The following PTPRD variants were observed in gnomAD, a reference collection of about 807,000 sequenced individuals.
PTPRD encodes receptor-type tyrosine-protein phosphatase delta.
Under a neutral mutation model 214.5 loss-of-function variants are expected in PTPRD, and 34 were observed. That is an observed-to-expected ratio of 0.16 (90% CI 0.12 to 0.21). The LOEUF (loss-of-function observed/expected upper bound fraction) is 0.21, where lower values mean the gene tolerates loss of function less well. Ranked by LOEUF, PTPRD falls within the 10% of genes least tolerant of loss-of-function variation. PTPRD has a pLI of 1.00. For missense variants in PTPRD, 2,545 were observed against 2,398.7 expected, an observed-to-expected ratio of 1.06 and a Z score of -1.27; for synonymous variants, 1,128 against 845.7, an observed-to-expected ratio of 1.33 and a Z score of -5.79.
intron 5 of PTPRD, among the ~76,000 whole-genome samples, chr9:9,928,231 T>C (rs921314622): frequency 6.6e-6 from 1 of 152,174 alleles, no homozygotes; most frequent in African/African-American, 2.4e-5. Flanking sequence ...GTTATTAATA[T>C]TACATGGTTA....
chr9:9,995,886 C>G (rs915849565), intron 4 of PTPRD, among the ~76,000 whole-genome samples: 1 of 152,134 alleles, frequency 6.6e-6, no homozygotes, highest in Non-Finnish European at 1.5e-5. Flanking sequence ...AATTTACATT[C>G]CACTTGAACA....
At position 8,974,814 on chromosome 9, in the gene PTPRD, G is replaced by C. The variant is rs114724225; in HGVS notation, c.-104+43883C>G. The stretch of plus-strand genomic sequence containing the variant: ...ACCCTATGCACCAAGAAAGATATTT[G>C]GGCCAGGTGTGGTGGCTCACACCTT... On this transcript the variant is annotated intron_variant, in intron 11 of 45. Transcript: ENST00000381196. Among the ~76,000 whole-genome samples, 226 of 151,916 alleles carry C rather than the reference G, an allele frequency of 1.5e-3. 1 individual carries two copies. Among genetic ancestry groups the C allele is most frequent in the African/African-American group, 5.3e-3 (221 of 41,440 alleles).
chr9:10,482,158 T>G (rs978962085), intron 2 of PTPRD, among the ~76,000 whole-genome samples: 4 of 151,628 alleles, frequency 2.6e-5, no homozygotes, highest in Non-Finnish European at 5.9e-5. Flanking sequence ...AATCACGAGG[T>G]CAGGAGATTG....
At chr9:9,694,173 T>C (rs1470574407) in intron 7 of PTPRD, among the ~76,000 whole-genome samples, 2 of 152,154 alleles carry the variant, frequency 1.3e-5, no homozygotes, top group African/African-American at 4.8e-5. Flanking sequence ...TGTTTGTGCC[T>C]GGGCATTGAA....
At chr9:10,111,426 G>A (rs2098691111) in intron 3 of PTPRD, among the ~76,000 whole-genome samples, 1 of 151,088 alleles carries the variant, frequency 6.6e-6, no homozygotes, top group African/African-American at 2.4e-5. Flanking sequence ...TTTTAGTAGA[G>A]ACGGGGTTTC....
At chr9:8,545,895 C>A (rs1412290073) in intron 14 of PTPRD, among the ~76,000 whole-genome samples, 6 of 152,052 alleles carry the variant, frequency 3.9e-5, no homozygotes, top group Non-Finnish European at 7.4e-5. Context: ...AGAAGAAATC[C>A]AACAAACTTT....
intron 7 of PTPRD, among the ~76,000 whole-genome samples, chr9:9,613,749 C>A (rs2094681303): frequency 6.6e-6 from 1 of 152,142 alleles, no homozygotes; most frequent in African/African-American, 2.4e-5. Flanking sequence ...TCAGGCCCAC[C>A]CCCTAGTCTA....
chr9:8,784,603 C>A (rs934885057), intron 11 of PTPRD, among the ~76,000 whole-genome samples: 2 of 151,930 alleles, frequency 1.3e-5, no homozygotes, highest in African/African-American at 2.4e-5. Flanking sequence ...CTTTCCAATT[C>A]GGCAAAACTT....
At chr9:9,159,604 A>C (rs562047242) in intron 10 of PTPRD, among the ~76,000 whole-genome samples, 2 of 152,316 alleles carry the variant, frequency 1.3e-5, no homozygotes, top group African/African-American at 4.8e-5. Flanking sequence ...GATTGGAAGA[A>C]CTAATATTGT....
chr9:8,370,720 A>T (rs959470001), intron 39 of PTPRD, among the ~76,000 whole-genome samples: 2 of 152,196 alleles, frequency 1.3e-5, no homozygotes, highest in Middle Eastern at 3.4e-3. Context: ...TGACAGAGAA[A>T]TCAGAGAAAT....
intron 9 of PTPRD, among the ~76,000 whole-genome samples, chr9:9,203,743 T>A (rs2099943213): frequency 6.6e-6 from 1 of 152,172 alleles, no homozygotes; most frequent in African/African-American, 2.4e-5. Context: ...CAGTTTCTGA[T>A]GTAGCAAGCG....
intron 3 of PTPRD, among the ~76,000 whole-genome samples, chr9:10,209,715 A>G (rs1223496346): frequency 1.3e-5 from 2 of 152,174 alleles, no homozygotes; most frequent in Non-Finnish European, 2.9e-5. Context: ...TCTCAAAAGG[A>G]AAAATAAAAA....
At chr9:10,340,157 T>C (rs1162975605) in intron 3 of PTPRD, among the ~76,000 whole-genome samples, 3 of 151,894 alleles carry the variant, frequency 2.0e-5, no homozygotes, top group South Asian at 4.1e-4. Flanking sequence ...AAATGCTCAT[T>C]CCACATTATC....
chr9:9,660,979 T>C (rs1024214884), intron 7 of PTPRD, among the ~76,000 whole-genome samples: 9 of 152,014 alleles, frequency 5.9e-5, no homozygotes, highest in African/African-American at 2.2e-4. Flanking sequence ...CAGCTTCATA[T>C]GGAAATAACG....
At chr9:10,023,060 T>C (rs2096854464) in intron 4 of PTPRD, among the ~76,000 whole-genome samples, 1 of 152,180 alleles carries the variant, frequency 6.6e-6, no homozygotes, top group African/African-American at 2.4e-5. Context: ...ATTTTACCTA[T>C]TTTTATATGT....
At chr9:9,953,446 A>G (rs1205607519) in intron 4 of PTPRD, among the ~76,000 whole-genome samples, 1 of 152,006 alleles carries the variant, frequency 6.6e-6, no homozygotes, top group East Asian at 1.9e-4. Flanking sequence ...TTATGCCCCA[A>G]AAGCTACTGA....
At chr9:8,469,689 C>T (rs1449722321) in intron 31 of PTPRD, among the ~76,000 whole-genome samples, 3 of 152,010 alleles carry the variant, frequency 2.0e-5, no homozygotes, top group African/African-American at 4.8e-5. Context: ...TAAATTATAA[C>T]ATATCTAAAT....
rs564430011 is a variant in PTPRD at position 9,841,745 on chromosome 9, G to T, written c.-367-74894C>A. The stretch of plus-strand genomic sequence containing the variant: ...CTTACCTTGTATTTTTCTCTATCTG[G>T]TATCTCTTGGCTTCTCAGATTTCTG... On this transcript the variant is annotated intron_variant, in intron 5 of 45. Transcript: ENST00000381196. Among the ~76,000 whole-genome samples the T allele has an allele frequency of 8.0e-4, 121 of 151,954 alleles. 1 individual carries two copies. The South Asian group carries it at 0.018, about 23-fold the overall frequency.
intron 2 of PTPRD, among the ~76,000 whole-genome samples, chr9:10,435,032 A>C (rs933778545): frequency 1.3e-5 from 2 of 151,872 alleles, no homozygotes; most frequent in Non-Finnish European, 2.9e-5. Flanking sequence ...CTAAACTGCG[A>C]ATTTTTCAAT....
Sources: gnomAD v4.1 joint callset for allele counts (sites outside exome capture counted in the v4.1 genomes callset) on GRCh38, gnomAD v4.1.1 for gene constraint, MANE v1.5 for transcripts, NCBI Gene and HGNC (gene_info 2026-07-23, HGNC 2026-07-21) for gene names.